The following GULP1 variants were observed in gnomAD, a reference collection of about 807,000 sequenced individuals.
The protein encoded by GULP1 is PTB domain-containing engulfment adapter protein 1.
Under a neutral mutation model 40.9 loss-of-function variants are expected in GULP1, and 19 were observed. That is an observed-to-expected ratio of 0.46 (90% confidence interval 0.32 to 0.68). GULP1 has a LOEUF of 0.68. Among genes scored for constraint, GULP1 ranks in the 30% least tolerant of loss-of-function variants. GULP1 has a pLI of 0.03. For synonymous variants in GULP1, 119 were observed against 117.6 expected, an observed-to-expected ratio of 1.01 and a Z score of -0.08; for missense variants, 312 against 362.2, an observed-to-expected ratio of 0.86 and a Z score of 1.12.
chr2:188,414,251 A>G (rs527490272), intron 2 of GULP1, among the ~76,000 whole-genome samples: 10 of 151,664 alleles, frequency 6.6e-5, no homozygotes, highest in Admixed American at 1.3e-4. Context: ...AAGAAGAGAA[A>G]TGGTTCATTG....
Position 188,558,167 on chromosome 2 carries a change from G to A in GULP1, c.400-11072G>A, listed in dbSNP as rs754251968. Among the ~76,000 whole-genome samples the A allele has an allele frequency of 1.1e-4, 17 of 151,750 alleles. 1 individual carries two copies. Among genetic ancestry groups the A allele is most frequent in the East Asian group, 5.9e-4 (3 of 5,128 alleles). On this transcript the variant is annotated intron_variant, in intron 7 of 11. Coordinates refer to ENST00000409830, the MANE Select transcript of GULP1 (RefSeq NM_016315.4). ...TTTTCTACCACATGGCCAGTGATAC[G>A]GTTTGGCTCTGTGTCCCCACCTAAA... is the stretch of plus-strand genomic sequence containing the variant.
rs760928269 is a variant in GULP1, at chr2:188,305,842, A to G, written c.-172+13676A>G. ...GCCCAGGCTGGAGTGGAGTGGCGCA[A>G]TCTTGGCTCACTGCTGCCTCTGCCT... On this transcript the variant is annotated intron_variant, in intron 1 of 11. Transcript: ENST00000409830. Among the ~76,000 whole-genome samples the G allele has an allele frequency of 2.6e-5, 4 of 152,158 alleles. No individual in the cohort carries two copies. The South Asian group carries it at 6.2e-4, about 24-fold the overall frequency.
intron 1 of GULP1, among the ~76,000 whole-genome samples, chr2:188,377,693 T>A (rs2048469117): frequency 6.6e-6 from 1 of 152,110 alleles, no homozygotes; most frequent in Admixed American, 6.6e-5. Context: ...AATGGCACAA[T>A]AAAAATCGAG....
intron 4 of GULP1, among the ~76,000 whole-genome samples, chr2:188,521,327 A>C (rs544429091): frequency 1.3e-5 from 2 of 152,140 alleles, no homozygotes; most frequent in Non-Finnish European, 1.5e-5. Context: ...CAGTGTGATA[A>C]TTATTATGAA....
chr2:188,451,006 A>G (rs988380368), intron 2 of GULP1, among the ~76,000 whole-genome samples: 2 of 152,228 alleles, frequency 1.3e-5, no homozygotes, highest in African/African-American at 4.8e-5. Flanking sequence ...CAATTAGTAA[A>G]TGGGTATATG....
chr2:188,570,993 C>CA (rs1317811161), intron 9 of GULP1, among the ~76,000 whole-genome samples: 1 of 151,924 alleles, frequency 6.6e-6, no homozygotes, highest in Non-Finnish European at 1.5e-5. Context: ...CTTGTCTCTA[C>CA]AAAAAATACA....
Position 188,512,260 on chromosome 2 carries a change from G to A in GULP1, c.91-10496G>A, listed in dbSNP as rs189742452. ...CAACATTGGTTACAAAGATATATAC[G>A]CATTTTTAAAAAATAATGAGAATAT... is the stretch of plus-strand genomic sequence containing the variant. On this transcript the variant is annotated intron_variant, in intron 4 of 11. Transcript: ENST00000409830. Among the ~76,000 whole-genome samples, 617 of 151,710 alleles carry A rather than the reference G, an allele frequency of 4.1e-3. 12 individuals are homozygous for A. The highest frequency in any genetic ancestry group is 8.4e-4 in the Non-Finnish European group (57 of 67,894).
chr2:188,518,603 G>A (rs1311750497), intron 4 of GULP1, among the ~76,000 whole-genome samples: 1 of 152,076 alleles, frequency 6.6e-6, no homozygotes, highest in Admixed American at 6.6e-5. Flanking sequence ...ATACTCTGGA[G>A]GTCTTGAGTG....
chr2:188,589,620 T>G, intron 11 of GULP1: 1 of 454,096 alleles, frequency 2.2e-6, no homozygotes, highest in Non-Finnish European at 4.0e-6. Context: ...TGAGACACAA[T>G]GTATTGGGAT....
intron 1 of GULP1, among the ~76,000 whole-genome samples, chr2:188,335,365 A>G (rs1241560328): frequency 2.6e-5 from 4 of 151,966 alleles, no homozygotes; most frequent in Admixed American, 2.0e-4. Flanking sequence ...TAAATTCTCT[A>G]CTGGGCCCTT....
chr2:188,319,618 A>G (rs959555107), intron 1 of GULP1, among the ~76,000 whole-genome samples: 1 of 152,160 alleles, frequency 6.6e-6, no homozygotes, highest in Non-Finnish European at 1.5e-5. Context: ...GTGTTAAGTC[A>G]GGTCATTCAT....
At chr2:188,305,956 T>C (rs1451518782) in intron 1 of GULP1, among the ~76,000 whole-genome samples, 7 of 152,070 alleles carry the variant, frequency 4.6e-5, no homozygotes, top group Non-Finnish European at 1.0e-4. Flanking sequence ...TTTTGTATTT[T>C]TAGTAGAGAC....
chr2:188,447,392 C>T lies in GULP1; in HGVS notation c.-44-30267C>T, dbSNP rs569847612. Among the ~76,000 whole-genome samples the T allele has an allele frequency of 9.9e-5, 15 of 152,160 alleles. 1 individual carries two copies. The South Asian group carries it at 1.9e-3, about 19-fold the overall frequency. ...CTGGTTAAATTTGGATTGCCCTGGCCGAGAGGAAGAATCTGTTCAGATGGT... is the reference window on the plus strand; with the variant it reads ...CTGGTTAAATTTGGATTGCCCTGGCTGAGAGGAAGAATCTGTTCAGATGGT... On this transcript the variant is annotated intron_variant, in intron 2 of 11. Coordinates refer to ENST00000409830, the MANE Select transcript of GULP1 (RefSeq NM_016315.4).
intron 2 of GULP1, among the ~76,000 whole-genome samples, chr2:188,452,837 A>G (rs1364302585): frequency 6.6e-6 from 1 of 152,224 alleles, no homozygotes; most frequent in Non-Finnish European, 1.5e-5. Context: ...ATAATAGGGT[A>G]TATTTCAAAA....
chr2:188,540,620 C>G (rs116111095), intron 6 of GULP1, among the ~76,000 whole-genome samples: 289 of 151,996 alleles, frequency 1.9e-3, no homozygotes, highest in Non-Finnish European at 3.6e-3. Context: ...CTAGACAGAA[C>G]AGGTTCAAGA....
intron 2 of GULP1, among the ~76,000 whole-genome samples, chr2:188,474,155 A>G (rs1008595737): frequency 3.9e-5 from 6 of 152,162 alleles, no homozygotes; most frequent in African/African-American, 1.4e-4. Context: ...GCTATCCAAG[A>G]TGCAAGACAG....
At chr2:188,301,840 A>C (rs1303597218) in intron 1 of GULP1, among the ~76,000 whole-genome samples, 26 of 152,210 alleles carry the variant, frequency 1.7e-4, no homozygotes, top group Admixed American at 1.5e-3. Context: ...TTTTGTCACG[A>C]GGAGATTCAG....
intron 7 of GULP1, among the ~76,000 whole-genome samples, chr2:188,547,711 A>T (rs967170623): frequency 6.6e-6 from 1 of 152,132 alleles, no homozygotes; most frequent in African/African-American, 2.4e-5. Flanking sequence ...CACAGGATCA[A>T]TACTTTGCAT....
chr2:188,368,909 GAA>G (rs2047171011), intron 1 of GULP1, among the ~76,000 whole-genome samples: 1 of 113,628 alleles, frequency 8.8e-6, no homozygotes, highest in Admixed American at 9.7e-5. Flanking sequence ...TTAATAGATA[GAA>G]TATATATATA....
Sources: gnomAD v4.1 joint callset for allele counts (sites outside exome capture counted in the v4.1 genomes callset) on GRCh38, gnomAD v4.1.1 for gene constraint, MANE v1.5 for transcripts, NCBI Gene and HGNC (gene_info 2026-07-23, HGNC 2026-07-21) for gene names.